The following RBFOX1 variants were observed in gnomAD, a reference collection of about 807,000 sequenced individuals.
The protein encoded by RBFOX1 is RNA binding protein fox-1 homolog 1.
RBFOX1 carries 8 observed loss-of-function variants against 57.7 expected under a neutral mutation model. That is an observed-to-expected ratio of 0.14 (90% confidence interval 0.08 to 0.25). The LOEUF is 0.25. Ranked by LOEUF, RBFOX1 falls within the 10% of genes least tolerant of loss-of-function variation. RBFOX1 has a pLI of 1.00. For missense variants in RBFOX1, 611 were observed against 548.5 expected, an observed-to-expected ratio of 1.11 and a Z score of -1.14; for synonymous variants, 326 against 222.4, an observed-to-expected ratio of 1.47 and a Z score of -4.15.
intron 3 of RBFOX1, among the ~76,000 whole-genome samples, chr16:7,015,694 G>A (rs1274989652): frequency 1.3e-5 from 2 of 151,846 alleles, no homozygotes; most frequent in African/African-American, 2.4e-5. Context: ...ATGACTAGCG[G>A]TCTAGTTATT....
At chr16:7,445,878 C>T (rs2098803928) in intron 4 of RBFOX1, among the ~76,000 whole-genome samples, 1 of 152,202 alleles carries the variant, frequency 6.6e-6, no homozygotes, top group Non-Finnish European at 1.5e-5. Context: ...CTGTTGAATG[C>T]TCTCAATTGG....
chr16:5,532,920 TCA>T (rs1375590669), intron 2 of RBFOX1, among the ~76,000 whole-genome samples: 1 of 152,148 alleles, frequency 6.6e-6, no homozygotes, highest in Non-Finnish European at 1.5e-5. Context: ...GGTGGAGATC[TCA>T]CATTAGTGAT....
Position 5,349,274 on chromosome 16 carries a change from CG to C in RBFOX1, c.219+109174del, listed in dbSNP as rs2065209742. Among the ~76,000 whole-genome samples the C allele has an allele frequency of 2.0e-5, 3 of 152,198 alleles. 1 individual carries two copies. The South Asian group carries it at 6.2e-4, about 32-fold the overall frequency. Reference sequence around the variant, plus strand: ...AGAAACAGAGTAGAATATTGATTGCCGGGGGAGTTTCTGTTCATGGGTACAA... The same window carrying C: ...AGAAACAGAGTAGAATATTGATTGCCGGGGAGTTTCTGTTCATGGGTACAA... On this transcript the variant is annotated intron_variant, in intron 1 of 2. Coordinates refer to the RBFOX1 transcript ENST00000585867.
At chr16:5,576,615 T>C (rs1371289587) in intron 2 of RBFOX1, among the ~76,000 whole-genome samples, 1 of 152,242 alleles carries the variant, frequency 6.6e-6, no homozygotes, top group Non-Finnish European at 1.5e-5. Flanking sequence ...CTAGGAGAAG[T>C]GCCAAAGTCC....
At chr16:6,513,584 A>G in intron 2 of RBFOX1, among the ~76,000 whole-genome samples, 1 of 152,052 alleles carries the variant, frequency 6.6e-6, no homozygotes, top group East Asian at 1.9e-4. Context: ...AAATACAAAA[A>G]TTAGCTGGGC....
rs531076840 is a variant in RBFOX1 at position 5,593,299 on chromosome 16, C to G, written c.259-5603C>G. ...AAGTGGGAGTTGAACAATAAGAACA[C>G]ATGGACACGGGGAGGGGAACATCAC... On this transcript the variant is annotated intron_variant, in intron 2 of 2. Transcript: ENST00000585867. Among the ~76,000 whole-genome samples the G allele has an allele frequency of 2.6e-4, 39 of 149,878 alleles. No individual in the cohort carries two copies. The South Asian group carries it at 7.8e-3, about 30-fold the overall frequency.
chr16:7,127,807 C>G (rs921766686), intron 4 of RBFOX1, among the ~76,000 whole-genome samples: 1 of 152,184 alleles, frequency 6.6e-6, no homozygotes, highest in African/African-American at 2.4e-5. Flanking sequence ...GGTAGGATGA[C>G]CTGACTGAGA....
At chr16:6,354,207 G>A (rs12149659) in intron 2 of RBFOX1, among the ~76,000 whole-genome samples, 15,620 of 151,990 alleles carry the variant, frequency 0.1, 896 homozygotes, top group Middle Eastern at 0.17. Flanking sequence ...GTGACAGAGC[G>A]AGACACTGGG....
chr16:5,335,682 G>C (rs1328868225), intron 1 of RBFOX1, among the ~76,000 whole-genome samples: 1 of 152,104 alleles, frequency 6.6e-6, no homozygotes, highest in Non-Finnish European at 1.5e-5. Flanking sequence ...ACGGTGTGGG[G>C]GTGGGAAGGA....
chr16:6,414,171 G>A (rs2093555522), intron 2 of RBFOX1, among the ~76,000 whole-genome samples: 1 of 152,198 alleles, frequency 6.6e-6, no homozygotes, highest in East Asian at 1.9e-4. Context: ...TTTTAAGCAG[G>A]GGAAGATGAT....
intron 2 of RBFOX1, among the ~76,000 whole-genome samples, chr16:6,444,912 T>C (rs1026228984): frequency 1.1e-4 from 16 of 152,050 alleles, no homozygotes; most frequent in Non-Finnish European, 2.1e-4. Flanking sequence ...CAGGTTTTCG[T>C]TTTCTATGGG....
At chr16:7,653,312 G>A (rs190272812) in intron 11 of RBFOX1, among the ~76,000 whole-genome samples, 42 of 152,244 alleles carry the variant, frequency 2.8e-4, no homozygotes, top group African/African-American at 9.1e-4. Flanking sequence ...ACCAGCCGGG[G>A]CAACAAAGGG....
intron 4 of RBFOX1, among the ~76,000 whole-genome samples, chr16:7,402,798 G>C (rs2098267374): frequency 6.6e-6 from 1 of 152,108 alleles, no homozygotes; most frequent in Admixed American, 6.6e-5. Context: ...TCAACAGCAG[G>C]GATAGCTTAA....
At chr16:6,631,151 G>C (rs1380200421) in intron 2 of RBFOX1, among the ~76,000 whole-genome samples, 1 of 151,990 alleles carries the variant, frequency 6.6e-6, no homozygotes, top group East Asian at 1.9e-4. Context: ...AAATTTAGAA[G>C]GTCAAAGGCA....
At chr16:5,796,767 C>T (rs929410063) in intron 3 of RBFOX1, among the ~76,000 whole-genome samples, 3 of 152,212 alleles carry the variant, frequency 2.0e-5, no homozygotes, top group South Asian at 2.1e-4. Context: ...TGCTAAGATT[C>T]AACCCCAGCT....
intron 1 of RBFOX1, among the ~76,000 whole-genome samples, chr16:6,178,312 A>G (rs1288208483): frequency 6.7e-6 from 1 of 149,216 alleles, no homozygotes; most frequent in Non-Finnish European, 1.5e-5. Context: ...TCAGCCTCCC[A>G]AGTAGCTGGG....
rs138985494 is a variant in RBFOX1 at position 6,983,405 on chromosome 16, A to C, written c.-15-68652A>C. ...CTAGGGTGGGAGAATATCGAGAATGATATAATTATCTATTTGCTGCTTCTG... is the reference window on the plus strand; with the variant it reads ...CTAGGGTGGGAGAATATCGAGAATGCTATAATTATCTATTTGCTGCTTCTG... On this transcript the variant is annotated intron_variant, in intron 3 of 15. Transcript: ENST00000550418. Among the ~76,000 whole-genome samples, 836 of 151,172 alleles carry C rather than the reference A, an allele frequency of 5.5e-3. 7 individuals are homozygous for C. The highest frequency in any genetic ancestry group is 0.032 in the Middle Eastern group (9 of 282).
At chr16:7,000,596 CTT>C (rs759103545) in intron 3 of RBFOX1, among the ~76,000 whole-genome samples, 3 of 92,568 alleles carry the variant, frequency 3.2e-5, no homozygotes, top group African/African-American at 1.3e-4. Context: ...CTTTTTCTTT[CTT>C]TTTTTTTTTT....
intron 1 of RBFOX1, among the ~76,000 whole-genome samples, chr16:6,261,859 C>G (rs371506545): frequency 8.2e-4 from 124 of 151,192 alleles, no homozygotes; most frequent in Middle Eastern, 3.4e-3. Flanking sequence ...CAAAACAAAA[C>G]AAAAACAAAA....
Sources: allele counts gnomAD v4.1 joint callset (sites outside exome capture counted in the v4.1 genomes callset), GRCh38; gene constraint gnomAD v4.1.1; transcripts MANE v1.5; gene names NCBI Gene and HGNC (gene_info 2026-07-23, HGNC 2026-07-21).